ABHD12: variants seen among roughly 807,000 people sequenced by gnomAD.
ABHD12 encodes abhydrolase domain containing 12, lysophospholipase.
ABHD12 carries 43 observed loss-of-function variants against 58.3 expected under a neutral mutation model. The observed-to-expected ratio is 0.74, with a 90% CI of 0.58 to 0.95. The LOEUF (loss-of-function observed/expected upper bound fraction) is 0.95. ABHD12 is among the 40% of genes least tolerant of loss of function. ABHD12 has a pLI of 0.00. For synonymous variants in ABHD12, 219 were observed against 211.2 expected (o/e 1.04, Z -0.32); for missense variants, 539 against 537.2 (o/e 1.00, Z -0.03).
chr20:25,355,416 T>G (rs1381741528), intron 1 of ABHD12, among the ~76,000 whole-genome samples: 1 of 152,214 alleles, frequency 6.6e-6, no homozygotes, highest in East Asian at 1.9e-4. Flanking sequence ...CTAGAAAGCT[T>G]TCTGTTGCCA....
At chr20:25,372,250 C>T (rs1411002568) in intron 1 of ABHD12, among the ~76,000 whole-genome samples, 1 of 151,466 alleles carries the variant, frequency 6.6e-6, no homozygotes, top group Non-Finnish European at 1.5e-5. Flanking sequence ...CAAGATCTTA[C>T]TCTGTCACCT....
At chr20:25,358,867 A>T (rs146436730) in intron 1 of ABHD12, among the ~76,000 whole-genome samples, 1,907 of 152,282 alleles carry the variant, frequency 0.013, 43 homozygotes, top group African/African-American at 0.041. Flanking sequence ...TGCCATCTCT[A>T]TGTGAAGACC....
At chr20:25,301,524 C>T (rs2088635238) in intron 12 of ABHD12, among the ~76,000 whole-genome samples, 1 of 152,270 alleles carries the variant, frequency 6.6e-6, no homozygotes, top group South Asian at 2.1e-4. Context: ...GCTCAGAAGC[C>T]TTGTCCCATG....
intron 1 of ABHD12, among the ~76,000 whole-genome samples, chr20:25,343,026 C>G (rs547519263): frequency 6.6e-6 from 1 of 152,258 alleles, no homozygotes; most frequent in South Asian, 2.1e-4. Flanking sequence ...AACTCCTGGG[C>G]TAGGGCAATC....
At chr20:25,332,289 C>G (rs1175745911) in intron 2 of ABHD12, among the ~76,000 whole-genome samples, 5 of 151,456 alleles carry the variant, frequency 3.3e-5, no homozygotes, top group African/African-American at 1.2e-4. Flanking sequence ...AATACAGGAG[C>G]ACCCAGATTC....
intron 1 of ABHD12, among the ~76,000 whole-genome samples, chr20:25,373,914 G>C (rs1279672604): frequency 2.0e-5 from 3 of 151,964 alleles, no homozygotes; most frequent in African/African-American, 7.3e-5. Flanking sequence ...TTGTCCCATA[G>C]CATAGTGATG....
chr20:25,335,410 G>C (rs1409630449), intron 2 of ABHD12, among the ~76,000 whole-genome samples: 1 of 148,760 alleles, frequency 6.7e-6, no homozygotes, highest in African/African-American at 2.5e-5. Context: ...GATTCCTCAG[G>C]GATCTAGAAC....
At chr20:25,373,411 G>T (rs2089922614) in intron 1 of ABHD12, among the ~76,000 whole-genome samples, 1 of 152,062 alleles carries the variant, frequency 6.6e-6, no homozygotes, top group South Asian at 2.1e-4. Context: ...GCCGGGTGTG[G>T]TGGCGGGCAC....
At chr20:25,301,843 AAG>A (rs1471821107) in intron 12 of ABHD12, among the ~76,000 whole-genome samples, 2 of 152,360 alleles carry the variant, frequency 1.3e-5, no homozygotes, top group South Asian at 2.1e-4. Flanking sequence ...GCTGGGGACA[AAG>A]AGGCTTTTGA....
At chr20:25,308,314 G>T in intron 8 of ABHD12, 143 bp downstream of exon 8, 3 of 1,041,212 alleles carry the variant, frequency 2.9e-6, no homozygotes, top group Non-Finnish European at 4.3e-6. Context: ...TGTATCATGG[G>T]AAGGGTGGCT....
At chr20:25,327,351 C>T (rs750304209) in intron 2 of ABHD12, among the ~76,000 whole-genome samples, 1 of 151,988 alleles carries the variant, frequency 6.6e-6, no homozygotes, top group Admixed American at 6.6e-5. Flanking sequence ...CCTGTAGTCC[C>T]AGCTACTCGG....
intron 1 of ABHD12, among the ~76,000 whole-genome samples, chr20:25,353,479 G>A (rs2482930): frequency 6.6e-6 from 1 of 151,948 alleles, no homozygotes; most frequent in Non-Finnish European, 1.5e-5. Context: ...CATGTGTTTG[G>A]GAATATGGTT....
intron 1 of ABHD12, among the ~76,000 whole-genome samples, chr20:25,386,500 T>C (rs978334444): frequency 1.3e-5 from 2 of 151,940 alleles, no homozygotes; most frequent in Non-Finnish European, 1.5e-5. Context: ...GACCTCGTGA[T>C]CAGCCTGCCT....
At chr20:25,371,231 G>A (rs975514196) in intron 1 of ABHD12, among the ~76,000 whole-genome samples, 2 of 152,044 alleles carry the variant, frequency 1.3e-5, no homozygotes, top group African/African-American at 4.8e-5. Flanking sequence ...GTCCCCTCTC[G>A]TCCCCATGGG....
chr20:25,339,176 G>A, intron 2 of ABHD12, 51 bp downstream of exon 2: 2 of 1,609,982 alleles, frequency 1.2e-6, no homozygotes, highest in Non-Finnish European at 1.7e-6. Flanking sequence ...ACATCACCAT[G>A]AAAATGAACC....
At position 25,339,393 on chromosome 20, in the gene ABHD12, G is replaced by A. The variant is rs371817890; in HGVS notation, c.192-42C>T. The A allele has an allele frequency of 8.7e-6, 14 of 1,613,492 alleles. No individual in the cohort carries two copies. The African/African-American group carries it at 1.5e-4, about 17-fold the overall frequency. ...ATGAATAGGTCAGAAGGCAGTAGGT[G>A]CCATTTTGCTGTAGTTTGTTAATAG... On this transcript the variant is annotated intron_variant, in intron 1 of 12. Coordinates refer to ENST00000339157, the MANE Select transcript of ABHD12 (RefSeq NM_001042472.3).
At chr20:25,315,646 C>T (rs1288527362) in intron 5 of ABHD12, among the ~76,000 whole-genome samples, 2 of 152,162 alleles carry the variant, frequency 1.3e-5, no homozygotes, top group Admixed American at 6.5e-5. Context: ...TCCTAGCCAC[C>T]GCAGAGGCTA....
At chr20:25,385,141 C>T (rs1270919468) in intron 1 of ABHD12, among the ~76,000 whole-genome samples, 4 of 151,922 alleles carry the variant, frequency 2.6e-5, no homozygotes, top group Non-Finnish European at 5.9e-5. Context: ...AGTTTGAGAC[C>T]AGCCTGACCA....
chr20:25,327,241 G>C (rs546218044), intron 2 of ABHD12, among the ~76,000 whole-genome samples: 1 of 152,306 alleles, frequency 6.6e-6, no homozygotes, highest in South Asian at 2.1e-4. Context: ...GGCCGAGGTG[G>C]GCAGATCACG....
Sources: gnomAD v4.1 joint callset for allele counts (sites outside exome capture counted in the v4.1 genomes callset) on GRCh38, gnomAD v4.1.1 for gene constraint, MANE v1.5 for transcripts, NCBI Gene and HGNC (gene_info 2026-07-23, HGNC 2026-07-21) for gene names.